The following CNTN5 variants were observed in gnomAD, a reference collection of about 807,000 sequenced individuals.
The protein encoded by CNTN5 is contactin-5.
A neutral mutation model predicts 129.1 loss-of-function variants in CNTN5; 77 were observed. That is an observed-to-expected ratio of 0.60 (90% CI 0.50 to 0.72). CNTN5 has a LOEUF of 0.72. Ranked by LOEUF, CNTN5 falls within the 30% of genes least tolerant of loss-of-function variation. The pLI is 0.00. For synonymous variants in CNTN5, 509 were observed against 465.6 expected, an observed-to-expected ratio of 1.09 and a Z score of -1.20; for missense variants, 1,478 against 1,328.8, an observed-to-expected ratio of 1.11 and a Z score of -1.75.
chr11:100,233,620 T>A (rs1949541332), intron 16 of CNTN5, among the ~76,000 whole-genome samples: 1 of 152,132 alleles, frequency 6.6e-6, no homozygotes, highest in African/African-American at 2.4e-5. Context: ...TACTGAAAAG[T>A]CTGAACTTCC....
At chr11:99,593,667 A>T (rs1185298068) in intron 3 of CNTN5, among the ~76,000 whole-genome samples, 2 of 152,212 alleles carry the variant, frequency 1.3e-5, no homozygotes, top group Non-Finnish European at 2.9e-5. Flanking sequence ...TAGTATTTTA[A>T]CAAATTTTAG....
chr11:99,884,925 C>G (rs1015821538), intron 6 of CNTN5, among the ~76,000 whole-genome samples: 1 of 151,902 alleles, frequency 6.6e-6, no homozygotes, highest in African/African-American at 2.4e-5. Flanking sequence ...TGCAGTCAGC[C>G]GATGTAGTAC....
chr11:100,215,534 T>G (rs967076762), intron 15 of CNTN5, among the ~76,000 whole-genome samples: 8 of 152,194 alleles, frequency 5.3e-5, no homozygotes, highest in African/African-American at 1.9e-4. Flanking sequence ...GAATGATTCA[T>G]TATGCAATAG....
chr11:99,094,234 G>A (rs565203165), intron 1 of CNTN5, among the ~76,000 whole-genome samples: 1 of 151,824 alleles, frequency 6.6e-6, no homozygotes, highest in African/African-American at 2.4e-5. Context: ...TCAATATAAT[G>A]CATTATTGAT....
chr11:99,239,948 A>C (rs901310611), intron 1 of CNTN5, among the ~76,000 whole-genome samples: 1 of 148,298 alleles, frequency 6.7e-6, no homozygotes, highest in Middle Eastern at 3.6e-3. Flanking sequence ...AAAAAAAAAA[A>C]AAAAAAAATT....
At chr11:99,996,511 T>G (rs11222262) in intron 8 of CNTN5, among the ~76,000 whole-genome samples, 1 of 151,848 alleles carries the variant, frequency 6.6e-6, no homozygotes. Context: ...AAAATTGATA[T>G]TCCTATTTCT....
At chr11:100,229,100 T>C (rs1370322998) in intron 16 of CNTN5, among the ~76,000 whole-genome samples, 1 of 152,126 alleles carries the variant, frequency 6.6e-6, no homozygotes, top group East Asian at 1.9e-4. Context: ...AATAAAAGCA[T>C]GTTAGCAAAC....
chr11:100,345,222 T>C (rs1009641417), intron 23 of CNTN5, among the ~76,000 whole-genome samples: 1 of 152,192 alleles, frequency 6.6e-6, no homozygotes, highest in Non-Finnish European at 1.5e-5. Flanking sequence ...GGTCCACTTT[T>C]GGTTTCCACA....
intron 2 of CNTN5, among the ~76,000 whole-genome samples, chr11:99,420,788 C>T (rs1365307755): frequency 6.6e-6 from 1 of 152,124 alleles, no homozygotes; most frequent in African/African-American, 2.4e-5. Flanking sequence ...GCAAGATAGA[C>T]ATTTTCTCTC....
chr11:99,842,900 G>A (rs1471048975), intron 4 of CNTN5, among the ~76,000 whole-genome samples: 2 of 152,016 alleles, frequency 1.3e-5, no homozygotes, highest in Non-Finnish European at 2.9e-5. Context: ...GACATATTCT[G>A]GTTATTTTGG....
At chr11:99,040,179 A>T (rs1863932112) in intron 1 of CNTN5, among the ~76,000 whole-genome samples, 1 of 152,270 alleles carries the variant, frequency 6.6e-6, no homozygotes, top group African/African-American at 2.4e-5. Context: ...ATGATAATCT[A>T]TGATACAAAT....
At chr11:99,717,482 GTA>G (rs1474544157) in intron 3 of CNTN5, among the ~76,000 whole-genome samples, 3 of 152,002 alleles carry the variant, frequency 2.0e-5, no homozygotes, top group African/African-American at 7.2e-5. Context: ...AAAAATAAGA[GTA>G]TAGTATTTCC....
At chr11:99,929,526 G>A (rs1449169125) in intron 7 of CNTN5, among the ~76,000 whole-genome samples, 2 of 152,148 alleles carry the variant, frequency 1.3e-5, no homozygotes, top group Admixed American at 1.3e-4. Context: ...CTGCAGGGCT[G>A]GGGAGGCCTC....
intron 21 of CNTN5, among the ~76,000 whole-genome samples, chr11:100,338,288 T>A (rs1467934184): frequency 6.6e-6 from 1 of 152,184 alleles, no homozygotes; most frequent in Non-Finnish European, 1.5e-5. Flanking sequence ...TCAGAGCCTA[T>A]AATGGCTTCC....
At chr11:99,997,547 T>C (rs1213988793) in intron 8 of CNTN5, among the ~76,000 whole-genome samples, 1 of 152,194 alleles carries the variant, frequency 6.6e-6, no homozygotes, top group Non-Finnish European at 1.5e-5. Flanking sequence ...CAGGACGAGA[T>C]GGATTCACAG....
chr11:100,079,221 G>A (rs111880026), intron 13 of CNTN5, among the ~76,000 whole-genome samples: 13 of 152,170 alleles, frequency 8.5e-5, no homozygotes, highest in African/African-American at 2.2e-4. Context: ...AAGCCTAACC[G>A]TATTAATATA....
At chr11:100,316,408 G>A (rs1951573199) in intron 21 of CNTN5, among the ~76,000 whole-genome samples, 1 of 152,124 alleles carries the variant, frequency 6.6e-6, no homozygotes, top group Admixed American at 6.5e-5. Context: ...AGGTTTATGG[G>A]AAGTTGAAGT....
At chr11:100,218,915 G>T (rs1457972620) in intron 15 of CNTN5, among the ~76,000 whole-genome samples, 1 of 152,124 alleles carries the variant, frequency 6.6e-6, no homozygotes, top group East Asian at 1.9e-4. Flanking sequence ...GATTAACTTA[G>T]CATTGGCATA....
intron 2 of CNTN5, among the ~76,000 whole-genome samples, chr11:99,376,966 G>T (rs568135646): frequency 2.6e-5 from 4 of 152,214 alleles, no homozygotes; most frequent in Non-Finnish European, 5.9e-5. Context: ...TGATCTGTGC[G>T]CTGTCTTACT....
Sources: gnomAD v4.1 joint callset for allele counts (sites outside exome capture counted in the v4.1 genomes callset) on GRCh38, gnomAD v4.1.1 for gene constraint, MANE v1.5 for transcripts, NCBI Gene and HGNC (gene_info 2026-07-23, HGNC 2026-07-21) for gene names.